Variants in POU6F2 observed in about 807,000 individuals in gnomAD.
The protein encoded by POU6F2 is POU class 6 homeobox 2.
In POU6F2, 31 loss-of-function variants were observed where a neutral mutation model predicts 71.3. The ratio of observed to expected loss-of-function variants is 0.43; its 90% confidence interval spans 0.33 to 0.59. POU6F2 has a LOEUF of 0.59. Ranked by LOEUF, POU6F2 falls within the 20% of genes least tolerant of loss-of-function variation. POU6F2 has a pLI of 0.04. For missense variants in POU6F2, 783 were observed against 856.8 expected, an observed-to-expected ratio of 0.91 and a Z score of 1.07; for synonymous variants, 347 against 355.7, an observed-to-expected ratio of 0.98 and a Z score of 0.27.
intron 1 of POU6F2, chr7:39,034,514 T>A (rs758101404): frequency 4.7e-6 from 2 of 428,544 alleles, no homozygotes; most frequent in South Asian, 3.3e-5. Flanking sequence ...TGTCTCTTGA[T>A]ATAATAATGC....
intron 1 of POU6F2, among the ~76,000 whole-genome samples, chr7:39,015,884 T>A (rs1282036757): frequency 2.0e-4 from 7 of 34,672 alleles, no homozygotes; most frequent in Non-Finnish European, 3.9e-4. Context: ...TAGATATATA[T>A]TATATATTAT....
intron 1 of POU6F2, among the ~76,000 whole-genome samples, chr7:39,032,368 G>A (rs1388306716): frequency 6.6e-6 from 1 of 152,200 alleles, no homozygotes; most frequent in Non-Finnish European, 1.5e-5. Flanking sequence ...AAGAGGGAAA[G>A]GAGGCATTTT....
Position 39,094,370 on chromosome 7 carries a change from A to G in POU6F2, c.277+8339A>G, listed in dbSNP as rs1284387581. 2.0e-5 allele frequency among the ~76,000 whole-genome samples: 3 copies of G among 152,132 alleles called. No individual in the cohort carries two copies. In the South Asian group the frequency reaches 6.2e-4, roughly 31 times the overall value. ...ATATTGGGAATCTAAATATTTGTCT[A>G]TTTCTGGGATAGACATATATCACAA... is the stretch of plus-strand genomic sequence containing the variant. On this transcript the variant is annotated intron_variant, in intron 2 of 9. Transcript: ENST00000518318.
chr7:39,409,964 C>T (rs1787519560), intron 6 of POU6F2, among the ~76,000 whole-genome samples: 1 of 152,220 alleles, frequency 6.6e-6, no homozygotes. Flanking sequence ...TTGTAACTTT[C>T]TAACCCCACC....
intron 4 of POU6F2, among the ~76,000 whole-genome samples, chr7:39,219,866 A>G (rs1304816248): frequency 2.0e-5 from 3 of 152,200 alleles, no homozygotes; most frequent in East Asian, 1.9e-4. Context: ...ATATATATAT[A>G]TACAACATTT....
intron 1 of POU6F2, among the ~76,000 whole-genome samples, chr7:38,995,272 A>G (rs1043656223): frequency 6.6e-6 from 1 of 152,186 alleles, no homozygotes. Context: ...ATTAGAAAAG[A>G]TATTGTTAAA....
chr7:39,284,975 G>A (rs576923766), intron 4 of POU6F2, among the ~76,000 whole-genome samples: 83 of 152,272 alleles, frequency 5.5e-4, no homozygotes, highest in African/African-American at 2.0e-3. Flanking sequence ...TTCACTCCCC[G>A]TGGACCTGGG....
chr7:39,373,368 A>G (rs1303236701), intron 5 of POU6F2: 1 of 451,006 alleles, frequency 2.2e-6, no homozygotes, highest in Non-Finnish European at 4.5e-6. Flanking sequence ...GAGGCTGACC[A>G]ATGCTATGAG....
chr7:39,237,580 A>G (rs998817082), intron 4 of POU6F2, among the ~76,000 whole-genome samples: 6 of 152,240 alleles, frequency 3.9e-5, no homozygotes, highest in Middle Eastern at 3.4e-3. Context: ...GATAAGAGCT[A>G]TGGACACTTG....
chr7:39,133,717 CA>C (rs1322009899), intron 2 of POU6F2, among the ~76,000 whole-genome samples: 1 of 152,210 alleles, frequency 6.6e-6, no homozygotes, highest in African/African-American at 2.4e-5. Flanking sequence ...GGCACAGCCA[CA>C]GCCTATGGCT....
intron 2 of POU6F2, among the ~76,000 whole-genome samples, chr7:39,110,328 A>G (rs2128725428): frequency 6.6e-6 from 1 of 151,644 alleles, no homozygotes; most frequent in Non-Finnish European, 1.5e-5. Context: ...GAATTATATT[A>G]AAAACAAAGC....
intron 1 of POU6F2, among the ~76,000 whole-genome samples, chr7:39,075,762 G>A (rs907585095): frequency 6.6e-6 from 1 of 152,184 alleles, no homozygotes; most frequent in African/African-American, 2.4e-5. Context: ...GAGCCCAAAG[G>A]CTGAGCCCTT....
At chr7:39,232,337 A>C (rs1346725060) in intron 4 of POU6F2, among the ~76,000 whole-genome samples, 1 of 152,206 alleles carries the variant, frequency 6.6e-6, no homozygotes, top group Non-Finnish European at 1.5e-5. Flanking sequence ...AATGGAGAGA[A>C]GATAACCAAG....
chr7:39,267,379 G>T (rs866977585), intron 4 of POU6F2, among the ~76,000 whole-genome samples: 8 of 152,162 alleles, frequency 5.3e-5, no homozygotes, highest in African/African-American at 1.7e-4. Context: ...ATTCATTTAT[G>T]TATTCAATAA....
chr7:39,016,056 TTATATATAATA>T (rs1185795082), intron 1 of POU6F2, among the ~76,000 whole-genome samples: 1 of 54,492 alleles, frequency 1.8e-5, no homozygotes, highest in African/African-American at 6.0e-5. Flanking sequence ...ATTATATATA[TTATATATAATA>T]TATAGATATA....
intron 4 of POU6F2, among the ~76,000 whole-genome samples, chr7:39,252,860 G>A (rs1783951881): frequency 1.3e-5 from 2 of 152,134 alleles, no homozygotes; most frequent in African/African-American, 4.8e-5. Context: ...CACACCTTAT[G>A]CCCTGACCCT....
intron 4 of POU6F2, among the ~76,000 whole-genome samples, chr7:39,225,180 T>C (rs187290904): frequency 4.6e-5 from 7 of 152,238 alleles, no homozygotes. Context: ...TAATAAACTT[T>C]CTTTTTTTTT....
chr7:39,305,188 A>G lies in POU6F2; in HGVS notation c.599-34454A>G, dbSNP rs190713355. On this transcript the variant is annotated intron_variant, in intron 4 of 9. Coordinates refer to ENST00000518318, the MANE Select transcript of POU6F2 (RefSeq NM_001370959.1). ...CTCTTTAGAAACATGATTTCATTTC[A>G]TCTTCACAGGCACTTTACTTAAGAA... 5.5e-4 allele frequency among the ~76,000 whole-genome samples: 84 copies of G among 152,352 alleles called. 1 individual carries two copies. Among genetic ancestry groups the G allele is most frequent in the Admixed American group, 1.5e-3 (23 of 15,300 alleles).
intron 1 of POU6F2, among the ~76,000 whole-genome samples, chr7:39,077,629 C>T (rs1791027023): frequency 6.6e-6 from 1 of 152,108 alleles, no homozygotes; most frequent in Non-Finnish European, 1.5e-5. Context: ...GAGAGGAGGA[C>T]ACTTATCTGA....
Sources: allele counts gnomAD v4.1 joint callset (sites outside exome capture counted in the v4.1 genomes callset), GRCh38; gene constraint gnomAD v4.1.1; transcripts MANE v1.5; gene names NCBI Gene and HGNC (gene_info 2026-07-23, HGNC 2026-07-21).